CDK5RAP2: variants seen among roughly 807,000 people sequenced by gnomAD.
CDK5RAP2 encodes the protein CDK5 regulatory subunit-associated protein 2.
CDK5RAP2 carries 147 observed loss-of-function variants against 232.9 expected under a neutral mutation model. The observed-to-expected ratio is 0.63, with a 90% CI of 0.55 to 0.72. The LOEUF (loss-of-function observed/expected upper bound fraction) is 0.72, where lower values mean the gene tolerates loss of function less well. CDK5RAP2 is among the 30% of genes least tolerant of loss of function. The pLI is 0.00. For missense variants in CDK5RAP2, 2,195 were observed against 2,231.5 expected, an observed-to-expected ratio of 0.98 and a Z score of 0.33; for synonymous variants, 833 against 833.7, an observed-to-expected ratio of 1.00 and a Z score of 0.01.
At chr9:120,423,226 C>T (rs1312418356) in intron 25 of CDK5RAP2, among the ~76,000 whole-genome samples, 4 of 152,032 alleles carry the variant, frequency 2.6e-5, no homozygotes, top group South Asian at 2.1e-4. Flanking sequence ...AATTTGCTTC[C>T]GAAACATCAT....
chr9:120,455,333 T>A (rs2036701820), intron 20 of CDK5RAP2, among the ~76,000 whole-genome samples: 1 of 135,354 alleles, frequency 7.4e-6, no homozygotes, highest in South Asian at 2.3e-4. Flanking sequence ...GCTGGAAAGA[T>A]GAGCAGGGAA....
At chr9:120,515,204 G>GA (rs1358990844) in intron 12 of CDK5RAP2, among the ~76,000 whole-genome samples, 4 of 152,076 alleles carry the variant, frequency 2.6e-5, no homozygotes, top group Non-Finnish European at 2.9e-5. Context: ...ATCTAATAGT[G>GA]AAAGATACAA....
chr9:120,509,859 G>A (rs551865479), intron 12 of CDK5RAP2, among the ~76,000 whole-genome samples: 39 of 152,262 alleles, frequency 2.6e-4, no homozygotes, highest in Non-Finnish European at 4.1e-4. Context: ...AGTTTGACTC[G>A]TGTTTCTGGC....
At chr9:120,540,270 A>G (rs2041575702) in intron 5 of CDK5RAP2, among the ~76,000 whole-genome samples, 1 of 152,208 alleles carries the variant, frequency 6.6e-6, no homozygotes, top group Admixed American at 6.5e-5. Flanking sequence ...AGGTTTCCAG[A>G]AGGCAAAATA....
chr9:120,486,238 C>T (rs905502515), intron 14 of CDK5RAP2, among the ~76,000 whole-genome samples: 1 of 151,970 alleles, frequency 6.6e-6, no homozygotes, highest in Non-Finnish European at 1.5e-5. Context: ...CTCTAGTGCC[C>T]GAGTCTTTTC....
At chr9:120,460,509 C>T (rs1588398118) in intron 19 of CDK5RAP2, 63 bp downstream of exon 19, 2 of 1,497,192 alleles carry the variant, frequency 1.3e-6, no homozygotes, top group Non-Finnish European at 1.9e-6. Context: ...ATTCCAGACT[C>T]GAAGACTGAT....
intron 9 of CDK5RAP2, among the ~76,000 whole-genome samples, chr9:120,528,172 A>G (rs1328290880): frequency 6.6e-6 from 1 of 152,204 alleles, no homozygotes; most frequent in Non-Finnish European, 1.5e-5. Flanking sequence ...AGCTATTCCT[A>G]TGGGAAGGAT....
chr9:120,439,170 C>A (rs1347022532), intron 24 of CDK5RAP2, among the ~76,000 whole-genome samples: 1 of 152,122 alleles, frequency 6.6e-6, no homozygotes, highest in Non-Finnish European at 1.5e-5. Context: ...CCAGAGGACC[C>A]AAGACTCGTA....
chr9:120,401,208 A>G (rs1394722395), intron 34 of CDK5RAP2, among the ~76,000 whole-genome samples: 2 of 152,136 alleles, frequency 1.3e-5, no homozygotes, highest in Non-Finnish European at 2.9e-5. Context: ...CGACCCACAG[A>G]GACTCGCCCA....
intron 20 of CDK5RAP2, among the ~76,000 whole-genome samples, chr9:120,457,365 C>A (rs543168546): frequency 6.6e-6 from 1 of 152,288 alleles, no homozygotes; most frequent in East Asian, 1.9e-4. Context: ...TCCCACATGG[C>A]CCTCAGACAA....
intron 18 of CDK5RAP2, 55 bp downstream of exon 18, chr9:120,467,805 C>T: frequency 6.3e-7 from 1 of 1,598,452 alleles, no homozygotes. Context: ...GCCACCATAC[C>T]AAGCCGGTTG....
At chr9:120,554,634 T>G (rs947441023) in intron 3 of CDK5RAP2, among the ~76,000 whole-genome samples, 31 of 152,202 alleles carry the variant, frequency 2.0e-4, no homozygotes, top group Middle Eastern at 3.4e-3. Context: ...TTTTGTTTTT[T>G]TTGTTGTTGT....
chr9:120,442,334 G>A (rs2035947134), intron 23 of CDK5RAP2, among the ~76,000 whole-genome samples: 2 of 152,202 alleles, frequency 1.3e-5, no homozygotes, highest in Admixed American at 1.3e-4. Context: ...CAAAGAGAGA[G>A]AGAGTTCTTA....
chr9:120,474,035 G>A (rs2037867674), intron 15 of CDK5RAP2, among the ~76,000 whole-genome samples: 1 of 152,234 alleles, frequency 6.6e-6, no homozygotes, highest in Non-Finnish European at 1.5e-5. Flanking sequence ...GAGTTAGAGA[G>A]ATCGAAGCTC....
Position 120,408,411 on chromosome 9 carries a change from C to T in CDK5RAP2, c.4662G>A (p.Leu1554=). ...CCTTCAGCTCCACTCGGAGAGACTG[C>T]AATAGCTTGTCATTCTGTGAGAGCA... ...QQLLSQNDKL[L]QSLRVELKAY... The change falls in exon 31 of 38, where the codon TTG becomes TTA. Residue 1554 remains leucine (L), a synonymous_variant. Transcript: ENST00000349780. The T allele has an allele frequency of 6.2e-7, 1 of 1,614,198 alleles. No individual in the cohort carries two copies. Among genetic ancestry groups the T allele is most frequent in the Non-Finnish European group, 8.5e-7 (1 of 1,180,028 alleles).
Position 120,535,546 on chromosome 9 carries a change from G to A in CDK5RAP2, c.662+826C>T, listed in dbSNP as rs367978622. Among the ~76,000 whole-genome samples, 4 of 152,150 alleles carry A rather than the reference G, an allele frequency of 2.6e-5. No homozygotes were observed. The East Asian group carries it at 7.7e-4, about 29-fold the overall frequency. ...TTTCTATCAAATTCCAAACAAGCTC[G>A]GCTCTTCAACAGATAGGTCACAGGT... On this transcript the variant is annotated intron_variant, in intron 7 of 37. Coordinates refer to ENST00000349780, the MANE Select transcript of CDK5RAP2 (RefSeq NM_018249.6).
At chr9:120,405,508 C>CT (rs1401359653) in intron 32 of CDK5RAP2, among the ~76,000 whole-genome samples, 1 of 152,200 alleles carries the variant, frequency 6.6e-6, no homozygotes, top group South Asian at 2.1e-4. Flanking sequence ...CTCCCCTAGC[C>CT]TACCCCACAA....
chr9:120,573,294 A>C (rs2042918583), intron 1 of CDK5RAP2, among the ~76,000 whole-genome samples: 1 of 152,304 alleles, frequency 6.6e-6, no homozygotes, highest in East Asian at 1.9e-4. Flanking sequence ...CATGCCTATA[A>C]TCCCAGTATT....
intron 12 of CDK5RAP2, among the ~76,000 whole-genome samples, chr9:120,505,773 G>T (rs946674977): frequency 6.6e-6 from 1 of 152,242 alleles, no homozygotes; most frequent in Non-Finnish European, 1.5e-5. Flanking sequence ...CTAATCCAGA[G>T]CAAAGCCTTA....
Sources: gnomAD v4.1 joint callset for allele counts (sites outside exome capture counted in the v4.1 genomes callset) on GRCh38, gnomAD v4.1.1 for gene constraint, MANE v1.5 for transcripts, NCBI Gene and HGNC (gene_info 2026-07-23, HGNC 2026-07-21) for gene names.